RMST: variants seen among roughly 807,000 people sequenced by gnomAD.
The protein encoded by RMST is long intergenic non-protein coding RNA 54.
chr12:97,486,602 T>C (rs1213234238), intron 5 of RMST, among the ~76,000 whole-genome samples: 1 of 152,224 alleles, frequency 6.6e-6, no homozygotes, highest in African/African-American at 2.4e-5. Flanking sequence ...TCATTCATTC[T>C]GGAATATTAA....
At chr12:97,530,785 A>G (rs763611397) in exon 11 of RMST, 5 of 152,106 alleles carry the variant, frequency 3.3e-5, no homozygotes, top group Non-Finnish European at 7.4e-5. Flanking sequence ...AGGGACACGG[A>G]GTTGACTTTT....
intron 5 of RMST, among the ~76,000 whole-genome samples, chr12:97,477,195 C>T (rs560402839): frequency 4.6e-5 from 7 of 152,172 alleles, no homozygotes; most frequent in East Asian, 3.9e-4. Context: ...TGCCCACATG[C>T]GCTTTGAAGT....
At chr12:97,563,956 A>G in intron 13 of RMST, 1 of 467,470 alleles carries the variant, frequency 2.1e-6, no homozygotes, top group South Asian at 1.5e-5. Context: ...TAGCCTGTGG[A>G]GCTGTGAATG....
At chr12:97,491,200 A>G (rs1450224520) in intron 5 of RMST, among the ~76,000 whole-genome samples, 4 of 152,130 alleles carry the variant, frequency 2.6e-5, no homozygotes, top group Non-Finnish European at 4.4e-5. Context: ...ATTTGGTCGA[A>G]CTCTGCAGCT....
intron 5 of RMST, among the ~76,000 whole-genome samples, chr12:97,488,378 GT>G (rs1876366106): frequency 6.6e-6 from 1 of 152,142 alleles, no homozygotes; most frequent in South Asian, 2.1e-4. Context: ...ATCGTGCCTT[GT>G]TTTCAGTCTA....
intron 10 of RMST, among the ~76,000 whole-genome samples, chr12:97,505,566 T>G (rs1033307492): frequency 2.0e-5 from 3 of 152,266 alleles, no homozygotes; most frequent in Non-Finnish European, 4.4e-5. Context: ...GGCAAAGCTA[T>G]GCATTACATG....
chr12:97,487,724 A>T (rs1343581707), intron 5 of RMST, among the ~76,000 whole-genome samples: 1 of 152,208 alleles, frequency 6.6e-6, no homozygotes, highest in Non-Finnish European at 1.5e-5. Context: ...GCATGAGTCC[A>T]TTCCCTTGGC....
At chr12:97,537,113 T>A (rs1001417915) in intron 11 of RMST, among the ~76,000 whole-genome samples, 3 of 151,450 alleles carry the variant, frequency 2.0e-5, no homozygotes, top group African/African-American at 7.3e-5. Flanking sequence ...TAATTACAAA[T>A]GAAAGTGTTT....
intron 10 of RMST, among the ~76,000 whole-genome samples, chr12:97,496,871 ACT>A (rs1445676752): frequency 6.6e-6 from 1 of 152,138 alleles, no homozygotes; most frequent in Admixed American, 6.6e-5. Context: ...AGCTTAGATC[ACT>A]CTGTAAGAGT....
chr12:97,512,174 G>A (rs181535159), intron 10 of RMST, among the ~76,000 whole-genome samples: 12 of 152,134 alleles, frequency 7.9e-5, no homozygotes, highest in Non-Finnish European at 7.4e-5. Context: ...GCAGACTTTC[G>A]CAGCGAGTGT....
At chr12:97,541,342 T>C (rs533527591) in intron 11 of RMST, 1 of 151,876 alleles carries the variant, frequency 6.6e-6, no homozygotes, top group South Asian at 2.1e-4. Flanking sequence ...TTTTCCGGAC[T>C]GTTTGGAAAA....
chr12:97,522,440 T>A (rs1880611028), intron 10 of RMST, among the ~76,000 whole-genome samples: 1 of 152,172 alleles, frequency 6.6e-6, no homozygotes, highest in African/African-American at 2.4e-5. Flanking sequence ...GAGATATAGT[T>A]TCTAGCTATG....
intron 10 of RMST, among the ~76,000 whole-genome samples, chr12:97,512,091 G>A (rs866602567): frequency 2.0e-5 from 3 of 152,102 alleles, no homozygotes; most frequent in African/African-American, 4.8e-5. Flanking sequence ...TCTGGCGTTC[G>A]GATGTGTTCA....
intron 10 of RMST, among the ~76,000 whole-genome samples, chr12:97,526,372 G>A (rs1247110848): frequency 6.6e-6 from 1 of 152,098 alleles, no homozygotes; most frequent in East Asian, 1.9e-4. Context: ...TTTAATGGCT[G>A]CATGGCATTC....
chr12:97,473,540 G>T (rs1273363121), intron 5 of RMST, among the ~76,000 whole-genome samples: 1 of 152,022 alleles, frequency 6.6e-6, no homozygotes, highest in Non-Finnish European at 1.5e-5. Flanking sequence ...TCACTATCTT[G>T]AGAAGATAGG....
chr12:97,530,986 T>C (rs2136587708), intron 11 of RMST: 1 of 147,818 alleles, frequency 6.8e-6, no homozygotes, highest in East Asian at 2.0e-4. Flanking sequence ...TTTTCGGGCA[T>C]TTATAGCATA....
chr12:97,515,604 G>A (rs1051400306), intron 10 of RMST, among the ~76,000 whole-genome samples: 1 of 151,906 alleles, frequency 6.6e-6, no homozygotes, highest in African/African-American at 2.4e-5. Flanking sequence ...ATAATTAAGT[G>A]AATAAACATG....
At chr12:97,556,913 T>C (rs1883745383) in intron 11 of RMST, among the ~76,000 whole-genome samples, 1 of 152,178 alleles carries the variant, frequency 6.6e-6, no homozygotes, top group African/African-American at 2.4e-5. Flanking sequence ...AAGCAGACAT[T>C]TTAATATTTA....
At chr12:97,520,563 A>G (rs182050040) in intron 10 of RMST, among the ~76,000 whole-genome samples, 228 of 152,164 alleles carry the variant, frequency 1.5e-3, no homozygotes, top group Non-Finnish European at 2.6e-3. Context: ...CCATTATAAA[A>G]CCTAGGCACA....
Sources: gnomAD v4.1 joint callset for allele counts (sites outside exome capture counted in the v4.1 genomes callset) on GRCh38, gnomAD v4.1.1 for gene constraint, MANE v1.5 for transcripts, NCBI Gene and HGNC (gene_info 2026-07-23, HGNC 2026-07-21) for gene names.